CTNNA3: variants seen among roughly 807,000 people sequenced by gnomAD.
CTNNA3 encodes the protein catenin alpha 3.
Under a neutral mutation model 95.7 loss-of-function variants are expected in CTNNA3, and 76 were observed. The ratio of observed to expected loss-of-function variants is 0.79; its 90% CI spans 0.66 to 0.96. The LOEUF (loss-of-function observed/expected upper bound fraction) is 0.96. Ranked by LOEUF, CTNNA3 falls within the 40% of genes least tolerant of loss-of-function variation. The pLI is 0.00. For synonymous variants in CTNNA3, 431 were observed against 374.4 expected (o/e 1.15, Z -1.74); for missense variants, 1,191 against 1,089.8 (o/e 1.09, Z -1.31).
chr10:66,507,960 A>T (rs1021458492), intron 11 of CTNNA3, among the ~76,000 whole-genome samples: 3 of 152,102 alleles, frequency 2.0e-5, no homozygotes, highest in African/African-American at 7.2e-5. Context: ...GTACTAATTA[A>T]CATTCCCACT....
At chr10:67,457,070 A>C (rs1289647877) in intron 5 of CTNNA3, among the ~76,000 whole-genome samples, 1 of 152,190 alleles carries the variant, frequency 6.6e-6, no homozygotes, top group Non-Finnish European at 1.5e-5. Context: ...AGCAGGATTT[A>C]TAATATTAGA....
intron 5 of CTNNA3, among the ~76,000 whole-genome samples, chr10:67,358,956 T>C (rs1564593871): frequency 6.6e-6 from 1 of 152,068 alleles, no homozygotes. Flanking sequence ...GAATGAAATA[T>C]AAGAGACATG....
chr10:66,028,858 A>T (rs994308465), intron 15 of CTNNA3, among the ~76,000 whole-genome samples: 4 of 152,186 alleles, frequency 2.6e-5, no homozygotes, highest in Non-Finnish European at 5.9e-5. Context: ...AAGATGATTT[A>T]TTTATGAAGA....
chr10:67,155,666 T>G (rs916603484), intron 7 of CTNNA3, among the ~76,000 whole-genome samples: 1 of 152,116 alleles, frequency 6.6e-6, no homozygotes, highest in Non-Finnish European at 1.5e-5. Flanking sequence ...TTATCCATGA[T>G]TGGCTTCCAT....
chr10:67,191,856 T>C (rs576170217), intron 6 of CTNNA3, among the ~76,000 whole-genome samples: 1 of 151,858 alleles, frequency 6.6e-6, no homozygotes, highest in Non-Finnish European at 1.5e-5. Flanking sequence ...TACAAAGCTA[T>C]AGCAATCAAA....
At position 67,566,158 on chromosome 10, in the gene CTNNA3, A is replaced by T. The variant is rs199545576; in HGVS notation, c.293-26489T>A. Among the ~76,000 whole-genome samples, 76 of 134,916 alleles carry T rather than the reference A, an allele frequency of 5.6e-4. No individual in the cohort carries two copies. In the East Asian group the frequency reaches 0.015, roughly 27 times the overall value. The allele number at this position is 134,916 out of a possible 152,430, so 88.5% of individuals were successfully genotyped here. ...ACCAAAAGCAATGGCAACAAAAGCCAAAATTGACAAATGGGATCTAATTAA... is the reference window on the plus strand; with the variant it reads ...ACCAAAAGCAATGGCAACAAAAGCCTAAATTGACAAATGGGATCTAATTAA... On this transcript the variant is annotated intron_variant, in intron 3 of 17. Coordinates refer to ENST00000433211, the MANE Select transcript of CTNNA3 (RefSeq NM_013266.4).
intron 1 of CTNNA3, among the ~76,000 whole-genome samples, chr10:67,720,128 G>GTTTTTTTTTTTTTTT (rs1564839853): frequency 1.9e-3 from 5 of 2,666 alleles, no homozygotes; most frequent in African/African-American, 0.012. Flanking sequence ...TGCAACCCCT[G>GTTTTTTTTTTTTTTT]CTTTTTTTTT....
intron 9 of CTNNA3, among the ~76,000 whole-genome samples, chr10:66,631,413 AAAT>A (rs929087268): frequency 6.6e-6 from 1 of 152,182 alleles, no homozygotes; most frequent in African/African-American, 2.4e-5. Flanking sequence ...GTGTAATAAA[AAAT>A]AATAATAAAG....
At chr10:66,680,650 A>G (rs986923683) in intron 9 of CTNNA3, among the ~76,000 whole-genome samples, 2 of 152,140 alleles carry the variant, frequency 1.3e-5, no homozygotes, top group African/African-American at 4.8e-5. Flanking sequence ...TTCAAGATGC[A>G]TTCATTTGTT....
At chr10:66,069,238 T>G in intron 15 of CTNNA3, 70 bp downstream of exon 15, 12 of 1,469,730 alleles carry the variant, frequency 8.2e-6, no homozygotes, top group Non-Finnish European at 1.0e-5. Flanking sequence ...CAGAGAATCT[T>G]GAGGTTTCAC....
chr10:66,096,082 A>G (rs1410113689), intron 14 of CTNNA3, among the ~76,000 whole-genome samples: 1 of 152,190 alleles, frequency 6.6e-6, no homozygotes, highest in Non-Finnish European at 1.5e-5. Flanking sequence ...TGAAATTATA[A>G]TATTTAAATG....
intron 1 of CTNNA3, among the ~76,000 whole-genome samples, chr10:67,693,472 C>A (rs879476774): frequency 4.6e-5 from 7 of 152,094 alleles, no homozygotes; most frequent in Admixed American, 4.6e-4. Flanking sequence ...TTTGGGTTGC[C>A]AACTTCTCTT....
At chr10:67,134,995 A>T (rs575658099) in intron 7 of CTNNA3, among the ~76,000 whole-genome samples, 1 of 152,254 alleles carries the variant, frequency 6.6e-6, no homozygotes, top group East Asian at 1.9e-4. Context: ...GTGGCAGGAT[A>T]GAGCTATCTT....
At chr10:66,215,890 C>G (rs1045413450) in intron 13 of CTNNA3, among the ~76,000 whole-genome samples, 2 of 152,226 alleles carry the variant, frequency 1.3e-5, no homozygotes, top group African/African-American at 2.4e-5. Flanking sequence ...TTCACTGTCT[C>G]CCTCTGCTTC....
At chr10:66,630,725 C>T (rs1845103264) in intron 9 of CTNNA3, among the ~76,000 whole-genome samples, 1 of 151,990 alleles carries the variant, frequency 6.6e-6, no homozygotes, top group South Asian at 2.1e-4. Context: ...CCTTCTCTTT[C>T]TCCTAGTGAA....
intron 2 of CTNNA3, among the ~76,000 whole-genome samples, chr10:67,617,668 G>A (rs1269831833): frequency 6.6e-6 from 1 of 152,040 alleles, no homozygotes; most frequent in African/African-American, 2.4e-5. Flanking sequence ...AGGTCTTTGA[G>A]GAACTGCCGC....
intron 5 of CTNNA3, among the ~76,000 whole-genome samples, chr10:67,396,004 A>G (rs1844693250): frequency 6.6e-6 from 1 of 152,204 alleles, no homozygotes; most frequent in African/African-American, 2.4e-5. Context: ...AACATTTAAA[A>G]ACATCACTTT....
intron 10 of CTNNA3, among the ~76,000 whole-genome samples, chr10:66,586,286 A>G (rs2631220): frequency 0.34 from 51,997 of 152,002 alleles, 9,902 homozygotes; most frequent in Non-Finnish European, 0.44. Flanking sequence ...TTGTGGCTAA[A>G]GCGGGTGGGT....
At chr10:67,554,542 G>A (rs1841161656) in intron 3 of CTNNA3, among the ~76,000 whole-genome samples, 1 of 152,176 alleles carries the variant, frequency 6.6e-6, no homozygotes, top group Non-Finnish European at 1.5e-5. Context: ...TCTGTTGGCT[G>A]CATAAATGTC....
Sources: gnomAD v4.1 joint callset for allele counts (sites outside exome capture counted in the v4.1 genomes callset) on GRCh38, gnomAD v4.1.1 for gene constraint, MANE v1.5 for transcripts, NCBI Gene and HGNC (gene_info 2026-07-23, HGNC 2026-07-21) for gene names.